The following UNC5D variants were observed in gnomAD, a reference collection of about 807,000 sequenced individuals.
UNC5D encodes unc-5 netrin receptor D.
Under a neutral mutation model 105.4 loss-of-function variants are expected in UNC5D, and 39 were observed. The observed-to-expected ratio is 0.37, with a 90% CI of 0.29 to 0.48. The LOEUF (loss-of-function observed/expected upper bound fraction) is 0.48, where lower values mean the gene tolerates loss of function less well. UNC5D is among the 20% of genes least tolerant of loss of function. The pLI is 0.98. For synonymous variants in UNC5D, 452 were observed against 450.4 expected, an observed-to-expected ratio of 1.00 and a Z score of -0.04; for missense variants, 991 against 1,202.4, an observed-to-expected ratio of 0.82 and a Z score of 2.60.
chr8:35,489,135 T>G (rs145388649), intron 1 of UNC5D, among the ~76,000 whole-genome samples: 89 of 152,154 alleles, frequency 5.8e-4, no homozygotes, highest in Non-Finnish European at 1.0e-3. Flanking sequence ...GCCTCCCAAG[T>G]AGCTGGGACT....
chr8:35,412,861 A>C (rs1805264966), intron 1 of UNC5D, among the ~76,000 whole-genome samples: 1 of 152,060 alleles, frequency 6.6e-6, no homozygotes, highest in Non-Finnish European at 1.5e-5. Context: ...TAATCTAGAA[A>C]CTGAAAGGAG....
chr8:35,298,977 G>A (rs1378880783), intron 1 of UNC5D, among the ~76,000 whole-genome samples: 1 of 152,148 alleles, frequency 6.6e-6, no homozygotes, highest in African/African-American at 2.4e-5. Context: ...TACACCTGCA[G>A]TACTGGAGCT....
chr8:35,459,631 A>G (rs1373687280), intron 1 of UNC5D, among the ~76,000 whole-genome samples: 1 of 152,202 alleles, frequency 6.6e-6, no homozygotes, highest in Admixed American at 6.5e-5. Flanking sequence ...CACATTCTTT[A>G]TAAACCTGTC....
At chr8:35,300,989 C>G (rs1177746988) in intron 1 of UNC5D, among the ~76,000 whole-genome samples, 2 of 152,146 alleles carry the variant, frequency 1.3e-5, no homozygotes, top group East Asian at 1.9e-4. Context: ...GTGTATACAT[C>G]CATGTATTTC....
rs1245396420 is a variant in UNC5D, at chr8:35,281,421, TC to T, written c.103+45535del. Among the ~76,000 whole-genome samples, 26 of 49,414 alleles carry T rather than the reference TC, an allele frequency of 5.3e-4. No individual in the cohort carries two copies. The East Asian group carries it at 0.064, about 121-fold the overall frequency. 32.4% of individuals were successfully genotyped at this position (49,414 alleles called of 152,430 possible). A position where few individuals can be genotyped will look rare whatever the true frequency, so the allele number is the denominator to read the frequency against. ...TCTTTCTCTTTTAATACTTTTTTTTTCTTTTTTTTTTTTTGCCAAACTCCTC... is the reference window on the plus strand; with the variant it reads ...TCTTTCTCTTTTAATACTTTTTTTTTTTTTTTTTTTTTTGCCAAACTCCTC... On this transcript the variant is annotated intron_variant, in intron 1 of 16. Transcript: ENST00000404895.
At chr8:35,260,306 A>G (rs1804393510) in intron 1 of UNC5D, among the ~76,000 whole-genome samples, 1 of 152,016 alleles carries the variant, frequency 6.6e-6, no homozygotes, top group South Asian at 2.1e-4. Flanking sequence ...AAAGCACCAT[A>G]TTTTACCTAG....
At chr8:35,541,263 A>G (rs975882055) in intron 1 of UNC5D, among the ~76,000 whole-genome samples, 8 of 152,190 alleles carry the variant, frequency 5.3e-5, no homozygotes, top group African/African-American at 1.4e-4. Context: ...TTACAGCTCA[A>G]TGTTTATCTT....
chr8:35,467,242 A>C (rs1426508172), intron 1 of UNC5D, among the ~76,000 whole-genome samples: 2 of 152,154 alleles, frequency 1.3e-5, no homozygotes, highest in African/African-American at 4.8e-5. Context: ...CTGGATGGAT[A>C]GTTTGTAATT....
chr8:35,312,273 T>C (rs1335673438), intron 1 of UNC5D, among the ~76,000 whole-genome samples: 2 of 152,196 alleles, frequency 1.3e-5, no homozygotes, highest in South Asian at 4.1e-4. Context: ...TTGTCAAATA[T>C]GTAATTGTGC....
chr8:35,325,396 G>T (rs1237974612), intron 1 of UNC5D, among the ~76,000 whole-genome samples: 1 of 152,164 alleles, frequency 6.6e-6, no homozygotes, highest in East Asian at 1.9e-4. Context: ...AAGGAAGATA[G>T]ATCTCAGTGC....
At chr8:35,264,763 G>A (rs1038899872) in intron 1 of UNC5D, among the ~76,000 whole-genome samples, 3 of 150,010 alleles carry the variant, frequency 2.0e-5, no homozygotes, top group Non-Finnish European at 4.4e-5. Context: ...AGAGTAAAAG[G>A]TGTTAAGCTT....
chr8:35,692,059 T>C (rs1476964301), intron 7 of UNC5D, among the ~76,000 whole-genome samples: 1 of 152,184 alleles, frequency 6.6e-6, no homozygotes, highest in African/African-American at 2.4e-5. Flanking sequence ...GTTCGTCTTG[T>C]CAAGGTATAA....
chr8:35,666,141 G>A (rs1824408184), intron 4 of UNC5D, among the ~76,000 whole-genome samples: 1 of 151,918 alleles, frequency 6.6e-6, no homozygotes, highest in African/African-American at 2.4e-5. Context: ...TTTTATGGTG[G>A]AATGAGGGTT....
chr8:35,316,078 C>A (rs372263738), intron 1 of UNC5D, among the ~76,000 whole-genome samples: 1 of 152,060 alleles, frequency 6.6e-6, no homozygotes, highest in Non-Finnish European at 1.5e-5. Flanking sequence ...GCTGACCAAC[C>A]GACTAGGCAG....
chr8:35,244,321 A>G (rs1802961170), intron 1 of UNC5D, among the ~76,000 whole-genome samples: 1 of 152,198 alleles, frequency 6.6e-6, no homozygotes, highest in Non-Finnish European at 1.5e-5. Flanking sequence ...TTATTAGCAC[A>G]TGGATTGATT....
chr8:35,290,665 G>A (rs560318675), intron 1 of UNC5D, among the ~76,000 whole-genome samples: 1 of 152,126 alleles, frequency 6.6e-6, no homozygotes, highest in Non-Finnish European at 1.5e-5. Context: ...AAGAAGTGTG[G>A]AGGCCAGGCG....
intron 1 of UNC5D, among the ~76,000 whole-genome samples, chr8:35,335,642 A>T (rs1810964574): frequency 6.6e-6 from 1 of 151,864 alleles, no homozygotes; most frequent in African/African-American, 2.4e-5. Flanking sequence ...TCTAATAAAT[A>T]CTCTGTTTAA....
intron 13 of UNC5D, among the ~76,000 whole-genome samples, chr8:35,758,059 G>A (rs1167242356): frequency 6.6e-6 from 1 of 152,162 alleles, no homozygotes; most frequent in Non-Finnish European, 1.5e-5. Context: ...ATCACAGCTA[G>A]TTTACAACAC....
At chr8:35,663,154 C>A (rs1251972420) in intron 4 of UNC5D, among the ~76,000 whole-genome samples, 2 of 152,128 alleles carry the variant, frequency 1.3e-5, no homozygotes, top group East Asian at 3.9e-4. Flanking sequence ...TTACTTATTA[C>A]CAGCCAGTGT....
Sources: gnomAD v4.1 joint callset for allele counts (sites outside exome capture counted in the v4.1 genomes callset) on GRCh38, gnomAD v4.1.1 for gene constraint, MANE v1.5 for transcripts, NCBI Gene and HGNC (gene_info 2026-07-23, HGNC 2026-07-21) for gene names.